Variants in THSD7B observed in about 807,000 individuals in gnomAD.
THSD7B encodes thrombospondin type 1 domain containing 7B, also known as thrombospondin type-1 domain-containing protein 7B.
A neutral mutation model predicts 213.6 loss-of-function variants in THSD7B; 138 were observed. That is an observed-to-expected ratio of 0.65 (90% CI 0.56 to 0.74). THSD7B has a LOEUF of 0.74. Among genes scored for constraint, THSD7B ranks in the 30% least tolerant of loss-of-function variants. The probability of loss-of-function intolerance (pLI) is 0.00; values close to 1 mark genes in which losing one functional copy is unlikely to be tolerated. For missense variants in THSD7B, 1,931 were observed against 1,991.5 expected, an observed-to-expected ratio of 0.97 and a Z score of 0.58; for synonymous variants, 742 against 687.0, an observed-to-expected ratio of 1.08 and a Z score of -1.25.
chr2:136,951,395 A>C (rs10184431), intron 2 of THSD7B, among the ~76,000 whole-genome samples: 28,976 of 152,092 alleles, frequency 0.19, 2,902 homozygotes, highest in African/African-American at 0.25. Context: ...ATTTGAATGT[A>C]GCAAACTCTG....
chr2:137,223,824 C>T (rs1410772432), intron 7 of THSD7B, among the ~76,000 whole-genome samples: 1 of 152,012 alleles, frequency 6.6e-6, no homozygotes, highest in African/African-American at 2.4e-5. Context: ...AACATGGAGG[C>T]GGATATTCCC....
intron 2 of THSD7B, among the ~76,000 whole-genome samples, chr2:136,890,934 C>G (rs553984856): frequency 6.6e-6 from 1 of 152,076 alleles, no homozygotes; most frequent in East Asian, 1.9e-4. Flanking sequence ...GGTTTGACCT[C>G]TCTTACTGAT....
intron 10 of THSD7B, among the ~76,000 whole-genome samples, chr2:137,243,195 C>T (rs192549203): frequency 1.3e-5 from 2 of 152,226 alleles, no homozygotes; most frequent in African/African-American, 4.8e-5. Context: ...TCTCTTAGAA[C>T]AGATCTTTCC....
intron 17 of THSD7B, among the ~76,000 whole-genome samples, chr2:137,589,436 A>G (rs957607291): frequency 1.3e-5 from 2 of 152,154 alleles, no homozygotes; most frequent in Non-Finnish European, 2.9e-5. Context: ...TACATTTTTA[A>G]AATTCAACCC....
chr2:137,450,832 C>A lies in THSD7B; in HGVS notation c.2960-13C>A, dbSNP rs756981966. The A allele has an allele frequency of 6.4e-7, 1 of 1,571,196 alleles. No homozygotes were observed. ...TTAATCAGACTTTCTTCTCTTAAAT[C>A]TTTTTCTGTCAGGTTACATTCAAGA... On this transcript the variant is annotated splice_polypyrimidine_tract_variant and intron_variant, in intron 14 of 27. Transcript: ENST00000409968.
rs1461915594 is a variant in THSD7B at position 137,133,439 on chromosome 2, T to C, written c.1369+18146T>C. 3.3e-5 allele frequency among the ~76,000 whole-genome samples: 5 copies of C among 152,174 alleles called. No homozygotes were observed. In the East Asian group the frequency reaches 9.6e-4, roughly 29 times the overall value. ...GCAGACAATGTAGGAGGTGACTTGG[T>C]TTTTCCTATGGAATAGTGGTTCTCA... is the stretch of plus-strand genomic sequence containing the variant. On this transcript the variant is annotated intron_variant, in intron 5 of 27. Transcript: ENST00000409968.
At chr2:137,043,763 C>T (rs1686922864) in intron 2 of THSD7B, among the ~76,000 whole-genome samples, 2 of 152,036 alleles carry the variant, frequency 1.3e-5, no homozygotes, top group African/African-American at 2.4e-5. Context: ...CCACTGATGA[C>T]CTGTTTAAAA....
intron 1 of THSD7B, among the ~76,000 whole-genome samples, chr2:136,867,638 A>G (rs1683364700): frequency 6.6e-6 from 1 of 152,150 alleles, no homozygotes; most frequent in Non-Finnish European, 1.5e-5. Flanking sequence ...GCTGATGGAA[A>G]GTTCTCTCTC....
chr2:136,847,009 A>C (rs556103295), intron 1 of THSD7B, among the ~76,000 whole-genome samples: 148 of 152,160 alleles, frequency 9.7e-4, no homozygotes, highest in African/African-American at 3.4e-3. Context: ...TCTTTCATTG[A>C]ATATAATTTT....
At chr2:137,052,360 A>G (rs1687084468) in intron 2 of THSD7B, among the ~76,000 whole-genome samples, 1 of 152,164 alleles carries the variant, frequency 6.6e-6, no homozygotes, top group African/African-American at 2.4e-5. Flanking sequence ...GAGTTTTATT[A>G]ATGGTTTAGA....
intron 1 of THSD7B, among the ~76,000 whole-genome samples, chr2:136,870,088 A>T (rs1019360081): frequency 6.6e-6 from 1 of 151,204 alleles, no homozygotes; most frequent in African/African-American, 2.4e-5. Flanking sequence ...AAAAAAAAAA[A>T]AGTGTCAGCA....
At chr2:136,787,724 G>T (rs180728498) in intron 1 of THSD7B, among the ~76,000 whole-genome samples, 1 of 152,194 alleles carries the variant, frequency 6.6e-6, no homozygotes, top group African/African-American at 2.4e-5. Flanking sequence ...GCTATCCCTT[G>T]TTCCAGGAGC....
At chr2:137,299,554 T>A (rs1329142294) in intron 12 of THSD7B, among the ~76,000 whole-genome samples, 1 of 152,092 alleles carries the variant, frequency 6.6e-6, no homozygotes, top group Non-Finnish European at 1.5e-5. Context: ...TTTCCCAGAA[T>A]TCTGAGATTT....
At chr2:137,195,012 G>C (rs1004947170) in intron 7 of THSD7B, among the ~76,000 whole-genome samples, 1 of 152,054 alleles carries the variant, frequency 6.6e-6, no homozygotes, top group African/African-American at 2.4e-5. Context: ...CACCTTTAGT[G>C]TTTCTCATCA....
chr2:137,287,409 C>G (rs1331368855), intron 12 of THSD7B, among the ~76,000 whole-genome samples: 2 of 152,056 alleles, frequency 1.3e-5, no homozygotes, highest in Non-Finnish European at 2.9e-5. Flanking sequence ...GGATTCAGAA[C>G]AAAGATTGCA....
At chr2:136,791,720 C>T (rs7573207) in intron 1 of THSD7B, among the ~76,000 whole-genome samples, 32,717 of 151,792 alleles carry the variant, frequency 0.22, 4,110 homozygotes, top group East Asian at 0.4. Context: ...GAATATGTAC[C>T]AGTATTTCTT....
chr2:137,376,213 G>A (rs1573992610), intron 12 of THSD7B, among the ~76,000 whole-genome samples: 1 of 152,116 alleles, frequency 6.6e-6, no homozygotes, highest in Non-Finnish European at 1.5e-5. Context: ...ACAAAGTTTA[G>A]CTTCCTAATA....
chr2:137,579,669 T>G (rs1409030718), intron 17 of THSD7B, among the ~76,000 whole-genome samples: 2 of 152,200 alleles, frequency 1.3e-5, no homozygotes, highest in African/African-American at 4.8e-5. Context: ...TCAGTTTTAC[T>G]TGATGCTCAA....
intron 3 of THSD7B, among the ~76,000 whole-genome samples, chr2:137,094,289 G>A (rs920651444): frequency 6.6e-6 from 1 of 152,202 alleles, no homozygotes; most frequent in South Asian, 2.1e-4. Flanking sequence ...AGTCTAGAAG[G>A]GCTGGGCGCG....
Sources: allele counts gnomAD v4.1 joint callset (sites outside exome capture counted in the v4.1 genomes callset), GRCh38; gene constraint gnomAD v4.1.1; transcripts MANE v1.5; gene names NCBI Gene and HGNC (gene_info 2026-07-23, HGNC 2026-07-21).